Variants in SH3BP4 observed in about 807,000 individuals in gnomAD.
The protein encoded by SH3BP4 is SH3 domain-binding protein 4.
SH3BP4 carries 33 observed loss-of-function variants against 65.5 expected under a neutral mutation model. The observed-to-expected ratio is 0.50, with a 90% CI of 0.38 to 0.67. The LOEUF is 0.67. SH3BP4 is among the 30% of genes least tolerant of loss of function. The pLI, the probability that SH3BP4 is intolerant of heterozygous loss-of-function variation, is 0.00. For missense variants in SH3BP4, 1,134 were observed against 1,261.4 expected, an observed-to-expected ratio of 0.90 and a Z score of 1.53; for synonymous variants, 552 against 545.5, an observed-to-expected ratio of 1.01 and a Z score of -0.17.
At chr2:234,988,413 A>G (rs913557886) in intron 1 of SH3BP4, among the ~76,000 whole-genome samples, 1 of 152,076 alleles carries the variant, frequency 6.6e-6, no homozygotes, top group Non-Finnish European at 1.5e-5. Flanking sequence ...GAAACATTTC[A>G]CTTGAATTGC....
chr2:235,040,884 A>G lies in SH3BP4; in HGVS notation c.119-4A>G, dbSNP rs1269776506. The G allele has an allele frequency of 6.2e-7, 1 of 1,607,516 alleles. No individual in the cohort carries two copies. Among genetic ancestry groups the G allele is most frequent in the Non-Finnish European group, 8.5e-7 (1 of 1,174,560 alleles). ...ACCATCTGTTTTCTTTGTGTTTTGC[A>G]CAGTGCCTTCTCCCAGTGCCTTGCT... On this transcript the variant is annotated splice_region_variant and splice_polypyrimidine_tract_variant and intron_variant, in intron 3 of 5. Transcript: ENST00000392011.
chr2:234,979,364 C>T (rs1451543441), intron 1 of SH3BP4: 3 of 152,220 alleles, frequency 2.0e-5, no homozygotes, highest in African/African-American at 7.2e-5. Context: ...TCGCAGTTGT[C>T]ATTCTCTGCT....
chr2:234,987,413 A>G (rs1466865820), intron 1 of SH3BP4, among the ~76,000 whole-genome samples: 3 of 152,158 alleles, frequency 2.0e-5, no homozygotes, highest in Admixed American at 6.5e-5. Context: ...CATGAACTTG[A>G]TGTACGTTAG....
Position 235,042,171 on chromosome 2 carries a change from G to A in SH3BP4, c.1402G>A (p.Asp468Asn). Residue 468 changes from aspartate (D) to asparagine (N), a missense_variant, in exon 4 of 6, where the codon GAC becomes AAC. By Grantham distance (23) the Asp-to-Asn change is conservative (BLOSUM62 1). Coordinates refer to ENST00000392011, the MANE Select transcript of SH3BP4 (RefSeq NM_014521.3). This position sits in a 1 kb window ranked among gnomAD's most constrained non-coding sequence, Gnocchi z 7.3. ...PSILYPSTVW[D>N]FINKKVTVGL... ...CATCCTCTACCCTTCCACCGTGTGG[G>A]ACTTCATCAATAAAAAAGTCACAGT... The A allele has an allele frequency of 6.2e-7, 1 of 1,614,028 alleles. No individual in the cohort carries two copies. The highest frequency in any genetic ancestry group is 8.5e-7 in the Non-Finnish European group (1 of 1,180,020).
intron 1 of SH3BP4, among the ~76,000 whole-genome samples, chr2:234,968,112 A>G (rs116099795): frequency 0.032 from 4,809 of 152,270 alleles, 231 homozygotes; most frequent in African/African-American, 0.099. Context: ...GTAGCCAGGT[A>G]GTTAGGGATC....
intron 1 of SH3BP4, among the ~76,000 whole-genome samples, chr2:234,993,638 C>T (rs1007204949): frequency 2.6e-5 from 4 of 152,146 alleles, no homozygotes; most frequent in African/African-American, 9.7e-5. Context: ...TTTCACTTCC[C>T]CCAGGTTTTT....
At chr2:235,044,780 A>G (rs1695789417) in intron 4 of SH3BP4, among the ~76,000 whole-genome samples, 1 of 152,152 alleles carries the variant, frequency 6.6e-6, no homozygotes, top group Non-Finnish European at 1.5e-5. Flanking sequence ...TTGAGCCAGG[A>G]GACAGAAGGG....
intron 1 of SH3BP4, among the ~76,000 whole-genome samples, chr2:234,981,969 T>G (rs1394993511): frequency 6.6e-6 from 1 of 152,172 alleles, no homozygotes; most frequent in Non-Finnish European, 1.5e-5. Context: ...GGTGGCCACC[T>G]CTGATGTCGC....
intron 1 of SH3BP4, among the ~76,000 whole-genome samples, chr2:234,966,793 C>T (rs1421203898): frequency 6.6e-6 from 1 of 152,104 alleles, no homozygotes; most frequent in Non-Finnish European, 1.5e-5. Context: ...TTTTCATTGG[C>T]GGCAAATGGA....
chr2:235,000,356 G>A (rs1043701466), intron 2 of SH3BP4, among the ~76,000 whole-genome samples: 3 of 152,198 alleles, frequency 2.0e-5, no homozygotes, highest in Admixed American at 1.3e-4. Context: ...TGATGTGACT[G>A]GGGGGTTGCC....
At chr2:235,019,107 G>A (rs993874378) in intron 2 of SH3BP4, among the ~76,000 whole-genome samples, 9 of 152,202 alleles carry the variant, frequency 5.9e-5, no homozygotes, top group Non-Finnish European at 7.3e-5. Flanking sequence ...GGGCCTCGGG[G>A]CCTAGTCAAG....
chr2:235,033,654 C>T lies in SH3BP4; in HGVS notation c.-132-1217C>T, dbSNP rs1231042216. 6.6e-6 allele frequency among the ~76,000 whole-genome samples: 1 copy of T among 152,192 alleles called. No homozygotes were observed. The highest frequency in any genetic ancestry group is 1.5e-5 in the Non-Finnish European group (1 of 68,034). The stretch of plus-strand genomic sequence containing the variant: ...AGACTTGGCAGGGTTAAATATTGAA[C>T]ACAAGATGGTCCCTATAGCAGCATG... On this transcript the variant is annotated intron_variant, in intron 2 of 5. Transcript: ENST00000392011. The surrounding 1 kb of genome is among the most constrained non-coding windows in gnomAD (Gnocchi z 5.7).
chr2:234,957,957 T>C (rs1193409533), intron 1 of SH3BP4, among the ~76,000 whole-genome samples: 2 of 152,182 alleles, frequency 1.3e-5, no homozygotes, highest in Non-Finnish European at 2.9e-5. Flanking sequence ...AGGTCTGTCC[T>C]CCTCCAGGGG....
At chr2:234,968,377 CTTTTTTT>C (rs551034590) in intron 1 of SH3BP4, among the ~76,000 whole-genome samples, 1 of 105,772 alleles carries the variant, frequency 9.5e-6, no homozygotes, top group South Asian at 3.4e-4. Context: ...CAGAGTTGTT[CTTTTTTT>C]TTTTTTTTTT....
At position 235,010,398 on chromosome 2, in the gene SH3BP4, G is replaced by A. The variant is rs76284490; in HGVS notation, c.-133+15022G>A. Among the ~76,000 whole-genome samples the A allele has an allele frequency of 4.0e-3, 614 of 152,322 alleles. 3 individuals carry two copies. Among genetic ancestry groups the A allele is most frequent in the African/African-American group, 0.014 (589 of 41,580 alleles). ...GGCCCCAGAACTACTCGGTCCAGCT[G>A]TTTGGTGGCTGGAAAACCTTGGACA... is the stretch of plus-strand genomic sequence containing the variant. On this transcript the variant is annotated intron_variant, in intron 2 of 5. Coordinates refer to ENST00000392011, the MANE Select transcript of SH3BP4 (RefSeq NM_014521.3).
intron 2 of SH3BP4, among the ~76,000 whole-genome samples, chr2:235,006,200 T>C (rs1426308005): frequency 1.3e-5 from 2 of 152,216 alleles, no homozygotes; most frequent in East Asian, 1.9e-4. Flanking sequence ...AGGTGGGAGA[T>C]GGGAGTCAGC....
intron 2 of SH3BP4, among the ~76,000 whole-genome samples, chr2:235,012,751 T>C (rs1694554517): frequency 1.3e-5 from 2 of 152,216 alleles, no homozygotes; most frequent in Admixed American, 1.3e-4. Flanking sequence ...CATTACGCAC[T>C]TCTAACCCCA....
In SH3BP4 at chr2:234,995,283, G is replaced by C. The variant is rs918269034; in HGVS notation, c.-206-20G>C. The C allele has an allele frequency of 3.9e-5, 6 of 152,314 alleles. No homozygotes were observed. Among genetic ancestry groups the C allele is most frequent in the Non-Finnish European group, 8.8e-5 (6 of 68,122 alleles). 9.4% of individuals were successfully genotyped at this position (152,314 alleles called of 1,614,324 possible). A position where few individuals can be genotyped will look rare whatever the true frequency, so the allele number is the denominator to read the frequency against. On this transcript the variant is annotated intron_variant, in intron 1 of 5. Transcript: ENST00000392011. ...CTGGACAGGACTGAAGCTCACTCGT[G>C]TTTCCTTCTTGTCTTGCAGCGTCTC... is the stretch of plus-strand genomic sequence containing the variant.
intron 1 of SH3BP4, among the ~76,000 whole-genome samples, chr2:234,975,162 G>A (rs1434719630): frequency 6.6e-6 from 1 of 152,142 alleles, no homozygotes; most frequent in Non-Finnish European, 1.5e-5. Context: ...CAGGCATTTT[G>A]TGGTTGGTTG....
Sources: gnomAD v4.1 joint callset for allele counts (sites outside exome capture counted in the v4.1 genomes callset) on GRCh38, gnomAD v4.1.1 for gene constraint, Gnocchi (gnomAD v3.1) non-coding constraint, MANE v1.5 for transcripts, NCBI Gene and HGNC (gene_info 2026-07-23, HGNC 2026-07-21) for gene names.